PPP2R1B: variants seen among roughly 807,000 people sequenced by gnomAD.
PPP2R1B encodes the protein protein phosphatase 2 scaffold subunit Abeta.
In PPP2R1B, 58 loss-of-function variants were observed where a neutral mutation model predicts 72.7. The observed-to-expected ratio is 0.80, with a 90% CI of 0.65 to 0.99. The LOEUF is 0.99. PPP2R1B is among the 50% of genes least tolerant of loss of function. The pLI, the probability that PPP2R1B is intolerant of heterozygous loss-of-function variation, is 0.00. For missense variants in PPP2R1B, 695 were observed against 733.6 expected, an observed-to-expected ratio of 0.95 and a Z score of 0.61; for synonymous variants, 256 against 264.6, an observed-to-expected ratio of 0.97 and a Z score of 0.32.
chr11:111,718,307 T>C, the PPP2R1B span, among the ~76,000 whole-genome samples: 2 of 152,206 alleles, frequency 1.3e-5, no homozygotes, highest in African/African-American at 4.8e-5. Flanking sequence ...AGCCATTCTT[T>C]CTTGCAAGGA....
chr11:111,730,993 GATA>G (rs967598630), intron 15 of PPP2R1B: 5 of 152,222 alleles, frequency 3.3e-5, no homozygotes, highest in African/African-American at 1.2e-4. Flanking sequence ...AAGGACAGTG[GATA>G]ATATGTTCTC....
the PPP2R1B span, among the ~76,000 whole-genome samples, chr11:111,700,354 A>C: frequency 2.0e-5 from 3 of 152,310 alleles, no homozygotes; most frequent in African/African-American, 7.2e-5. Flanking sequence ...TATCTGCCTA[A>C]AACAGGATAT....
chr11:111,748,104 C>A, intron 10 of PPP2R1B, 90 bp from the exon 11 acceptor site: 2 of 1,150,028 alleles, frequency 1.7e-6, no homozygotes, highest in Non-Finnish European at 2.5e-6. Context: ...TACCTGAAGG[C>A]TAAAAAAACT....
downstream of PPP2R1B, among the ~76,000 whole-genome samples, chr11:111,734,657 C>G (rs1260103034): frequency 6.6e-6 from 1 of 152,228 alleles, no homozygotes; most frequent in African/African-American, 2.4e-5. Flanking sequence ...ACTGAACATC[C>G]CTGGGCTTTG....
rs766155545 is a variant in PPP2R1B at position 111,742,590 on chromosome 11, G to T, written c.1630C>A (p.Gln544Lys). The stretch of plus-strand genomic sequence containing the variant: ...ACATTGAAGCGAACATTTGCTACTT[G>T]GTCTCCTGCCATTTTTAATACGATG... ...LPIVLKMAGD[Q>K]VANVRFNVAK... is the part of the protein sequence containing the mutation. Residue 544 changes from glutamine to lysine, a missense_variant, in exon 13 of 15, where the codon CAA becomes AAA. Physicochemically the swap from Gln to Lys is moderately conservative, Grantham distance 53. Transcript: ENST00000527614. 6.2e-7 allele frequency: 1 copy of T among 1,613,724 alleles called. No homozygotes were observed. Among genetic ancestry groups the T allele is most frequent in the South Asian group, 1.1e-5 (1 of 91,056 alleles).
rs765600270 is a variant in PPP2R1B, at chr11:111,739,121, G to T, written c.*2475C>A. 9.1e-6 allele frequency: 9 copies of T among 985,304 alleles called. No homozygotes were observed. The highest frequency in any genetic ancestry group is 1.1e-5 in the Non-Finnish European group (9 of 829,908). The allele number at this position is 985,304 out of a possible 1,614,324, so 61.0% of individuals were successfully genotyped here. A position where few individuals can be genotyped will look rare whatever the true frequency, so the allele number is the denominator to read the frequency against. ...TCAGTGGGAGAATAAGACACAGTCT[G>T]GTTCTTTTGATTATTTGTTCCATGC... On this transcript the variant is annotated 3_prime_UTR_variant, in exon 15 of 15. Coordinates refer to ENST00000527614, the MANE Select transcript of PPP2R1B (RefSeq NM_002716.5).
rs894317515 is a variant in PPP2R1B, at chr11:111,738,065, G to A, written c.*3531C>T. ...GGACAGTGAGACTATTCTAGGTACA[G>A]AGGACTGGAGGGAGACATGCGAGGG... is the stretch of plus-strand genomic sequence containing the variant. On this transcript the variant is annotated 3_prime_UTR_variant, in exon 15 of 15. Coordinates refer to ENST00000527614, the MANE Select transcript of PPP2R1B (RefSeq NM_002716.5). 37 of 994,522 alleles carry A rather than the reference G, an allele frequency of 3.7e-5. No individual in the cohort carries two copies. Among genetic ancestry groups the A allele is most frequent in the Non-Finnish European group, 4.3e-5 (36 of 834,554 alleles). 61.6% of individuals were successfully genotyped at this position (994,522 alleles called of 1,614,324 possible).
intron 10 of PPP2R1B, among the ~76,000 whole-genome samples, chr11:111,751,331 G>C (rs1341526632): frequency 6.6e-6 from 1 of 151,756 alleles, no homozygotes; most frequent in Non-Finnish European, 1.5e-5. Context: ...AGTCACAAAG[G>C]CATTAAATAT....
chr11:111,708,830 C>T, the PPP2R1B span, among the ~76,000 whole-genome samples: 5 of 152,236 alleles, frequency 3.3e-5, no homozygotes, highest in Non-Finnish European at 5.9e-5. Flanking sequence ...TCAAGTAATC[C>T]TCCTACCGTG....
rs1281006569 is a variant in PPP2R1B at position 111,743,399 on chromosome 11, T to C, written c.1531A>G (p.Met511Val). Residue 511 changes from methionine (M) to valine (V), a missense_variant, in exon 12 of 15, where the codon ATG becomes GTG. By Grantham distance (21) the Met-to-Val change is conservative. Coordinates refer to ENST00000527614, the MANE Select transcript of PPP2R1B (RefSeq NM_002716.5). ...MANDPNYLHR[M>V]TTLFCINALS... ...ACATTAATGCAGAATAAAGTGGTCA[T>C]TCTATGCAAGTAATTAGGATCATTT... The C allele has an allele frequency of 3.7e-6, 6 of 1,612,528 alleles. No individual in the cohort carries two copies. The highest frequency in any genetic ancestry group is 1.3e-5 in the African/African-American group (1 of 74,870).
intron 2 of PPP2R1B, 66 bp downstream of exon 2, chr11:111,765,228 A>T: frequency 6.2e-6 from 9 of 1,440,806 alleles, no homozygotes; most frequent in Non-Finnish European, 8.7e-6. Flanking sequence ...ACTCTAAAAA[A>T]GTCAGTGTTG....
At chr11:111,693,745 C>T in the PPP2R1B span, among the ~76,000 whole-genome samples, 9 of 152,116 alleles carry the variant, frequency 5.9e-5, no homozygotes, top group African/African-American at 1.9e-4. Flanking sequence ...AACCTTGGGC[C>T]GATTATTTAC....
intron 15 of PPP2R1B, chr11:111,728,400 T>G (rs1294466412): frequency 6.6e-6 from 1 of 152,348 alleles, no homozygotes; most frequent in African/African-American, 2.4e-5. Flanking sequence ...GCCATTCTCC[T>G]GCCTCAGCCT....
chr11:111,749,222 T>C (rs1313927663), intron 10 of PPP2R1B, among the ~76,000 whole-genome samples: 3 of 152,232 alleles, frequency 2.0e-5, no homozygotes, highest in African/African-American at 7.2e-5. Context: ...AGATTTCTTT[T>C]TCATTTCAGG....
At chr11:111,721,602 T>C in the PPP2R1B span, among the ~76,000 whole-genome samples, 1,152 of 152,100 alleles carry the variant, frequency 7.6e-3, 8 homozygotes, top group Middle Eastern at 0.061. Flanking sequence ...ACACCAAGAG[T>C]CTTTGCTCTA....
the PPP2R1B span, among the ~76,000 whole-genome samples, chr11:111,702,364 C>T: frequency 6.6e-6 from 1 of 152,142 alleles, no homozygotes; most frequent in Non-Finnish European, 1.5e-5. Context: ...GCGGGAGGAT[C>T]TCTTAAGGCC....
At chr11:111,689,416 T>C in the PPP2R1B span, among the ~76,000 whole-genome samples, 1 of 152,092 alleles carries the variant, frequency 6.6e-6, no homozygotes, top group Non-Finnish European at 1.5e-5. Flanking sequence ...GGAAGACTAA[T>C]AAGGAATCTA....
chr11:111,706,732 T>G, the PPP2R1B span, among the ~76,000 whole-genome samples: 3 of 151,884 alleles, frequency 2.0e-5, no homozygotes, highest in African/African-American at 4.8e-5. Context: ...GAGGCTGAGG[T>G]GGGTGGATCA....
chr11:111,719,711 C>T, the PPP2R1B span: 1 of 1,500,308 alleles, frequency 6.7e-7, no homozygotes, highest in Non-Finnish European at 9.1e-7. Context: ...GACATGTTTT[C>T]CTTTGTGGAT....
Sources: gnomAD v4.1 joint callset for allele counts (sites outside exome capture counted in the v4.1 genomes callset) on GRCh38, gnomAD v4.1.1 for gene constraint, MANE v1.5 for transcripts, NCBI Gene and HGNC (gene_info 2026-07-23, HGNC 2026-07-21) for gene names.